The following RABGAP1L variants were observed in gnomAD, a reference collection of about 807,000 sequenced individuals.
RABGAP1L encodes the protein rab GTPase-activating protein 1-like.
A neutral mutation model predicts 137.7 loss-of-function variants in RABGAP1L; 63 were observed. The observed-to-expected ratio is 0.46, with a 90% CI of 0.37 to 0.56. RABGAP1L has a LOEUF of 0.56. Ranked by LOEUF, RABGAP1L falls within the 20% of genes least tolerant of loss-of-function variation. RABGAP1L has a pLI of 0.00. For missense variants in RABGAP1L, 1,095 were observed against 1,244.0 expected (o/e 0.88, Z 1.80); for synonymous variants, 431 against 433.7 (o/e 0.99, Z 0.08).
chr1:174,723,820 C>T (rs1357435518), intron 17 of RABGAP1L, among the ~76,000 whole-genome samples: 1 of 152,026 alleles, frequency 6.6e-6, no homozygotes, highest in African/African-American at 2.4e-5. Context: ...GCTCTTTGTA[C>T]CTCAGGGGTT....
chr1:174,826,507 C>T (rs1691581250), intron 19 of RABGAP1L, among the ~76,000 whole-genome samples: 1 of 152,190 alleles, frequency 6.6e-6, no homozygotes, highest in South Asian at 2.1e-4. Flanking sequence ...CAAGCGTGAG[C>T]CACCACGCCC....
intron 13 of RABGAP1L, among the ~76,000 whole-genome samples, chr1:174,561,895 A>G (rs1667243123): frequency 1.3e-5 from 2 of 152,238 alleles, no homozygotes; most frequent in South Asian, 4.1e-4. Context: ...CTAAAACCAT[A>G]AAAATCCTAG....
chr1:174,720,366 C>T (rs963824299), intron 17 of RABGAP1L, among the ~76,000 whole-genome samples: 9 of 151,284 alleles, frequency 5.9e-5, no homozygotes, highest in Non-Finnish European at 1.0e-4. Flanking sequence ...TGCAGTGGCA[C>T]GATCTCAGCT....
chr1:174,159,948 C>T (rs1291298685), intron 1 of RABGAP1L: 1 of 152,364 alleles, frequency 6.6e-6, no homozygotes, highest in Non-Finnish European at 1.5e-5. Flanking sequence ...TGGCGGCCGC[C>T]TCCTCCAGCT....
intron 17 of RABGAP1L, among the ~76,000 whole-genome samples, chr1:174,717,655 G>A (rs1396337376): frequency 6.6e-6 from 1 of 152,060 alleles, no homozygotes; most frequent in East Asian, 1.9e-4. Flanking sequence ...TAGATGCCAG[G>A]TATTACTTTG....
At chr1:174,334,710 C>T (rs944141855) in intron 11 of RABGAP1L, among the ~76,000 whole-genome samples, 1 of 152,100 alleles carries the variant, frequency 6.6e-6, no homozygotes, top group African/African-American at 2.4e-5. Flanking sequence ...CCCCTTTTTC[C>T]AGTCTTTCTG....
intron 19 of RABGAP1L, chr1:174,935,545 T>G (rs773386766): frequency 1.3e-5 from 2 of 152,200 alleles, no homozygotes; most frequent in Non-Finnish European, 2.9e-5. Flanking sequence ...ATTCTGAAAA[T>G]TATAACATAG....
intron 1 of RABGAP1L, among the ~76,000 whole-genome samples, chr1:174,177,386 A>G (rs1240534910): frequency 6.6e-6 from 1 of 152,088 alleles, no homozygotes; most frequent in African/African-American, 2.4e-5. Flanking sequence ...ATTAGACCAT[A>G]GTTAGATGGG....
chr1:174,831,727 TA>T lies in RABGAP1L; in HGVS notation c.2340+19776del, dbSNP rs201857412. On this transcript the variant is annotated intron_variant, in intron 19 of 25. Transcript: ENST00000681986. ...TTCATGGGTAGAACCTCTAGGTGACTAAAAAAAAACTAGCTTTATGTCTAGA... is the reference window on the plus strand; with the variant it reads ...TTCATGGGTAGAACCTCTAGGTGACTAAAAAAAACTAGCTTTATGTCTAGA... Among the ~76,000 whole-genome samples the T allele has an allele frequency of 4.7e-5, 7 of 147,680 alleles. 2 individuals carry two copies. The highest frequency in any genetic ancestry group is 1.5e-4 in the African/African-American group (6 of 40,408).
intron 12 of RABGAP1L, among the ~76,000 whole-genome samples, 159 bp downstream of exon 12, chr1:174,371,231 T>G (rs1161642705): frequency 2.0e-5 from 3 of 152,024 alleles, no homozygotes; most frequent in African/African-American, 7.2e-5. Context: ...TAAAATATAA[T>G]TTATAGATAC....
chr1:174,900,707 A>T (rs144498745), intron 19 of RABGAP1L, among the ~76,000 whole-genome samples: 3,964 of 152,122 alleles, frequency 0.026, 156 homozygotes, highest in African/African-American at 0.089. Context: ...TTTAGTAGAG[A>T]CAGGGTTTCA....
At chr1:174,499,374 T>G (rs904913130) in intron 13 of RABGAP1L, among the ~76,000 whole-genome samples, 1 of 151,800 alleles carries the variant, frequency 6.6e-6, no homozygotes, top group African/African-American at 2.4e-5. Flanking sequence ...ACTTAGAACA[T>G]TTAGGAAAAC....
At chr1:174,288,919 G>T (rs1186313376) in intron 10 of RABGAP1L, among the ~76,000 whole-genome samples, 1 of 152,034 alleles carries the variant, frequency 6.6e-6, no homozygotes. Flanking sequence ...TTCTCTAACT[G>T]GATAATTTTA....
intron 19 of RABGAP1L, among the ~76,000 whole-genome samples, chr1:174,902,329 C>T (rs184414089): frequency 6.6e-6 from 1 of 152,200 alleles, no homozygotes; most frequent in South Asian, 2.1e-4. Context: ...GCCTCTCCCC[C>T]CCAGGAACTC....
chr1:174,664,821 T>C (rs1219146826), intron 14 of RABGAP1L, among the ~76,000 whole-genome samples: 3 of 141,094 alleles, frequency 2.1e-5, no homozygotes, highest in Non-Finnish European at 3.0e-5. Flanking sequence ...CACCGCAACC[T>C]CTGCCTCCCG....
At chr1:174,989,429 G>T (rs533623389) in intron 25 of RABGAP1L, among the ~76,000 whole-genome samples, 1 of 152,258 alleles carries the variant, frequency 6.6e-6, no homozygotes, top group East Asian at 1.9e-4. Context: ...CTTCCACCAT[G>T]TGTCTGCTCT....
intron 5 of RABGAP1L, chr1:174,244,670 A>T (rs1672108728): frequency 6.6e-6 from 1 of 152,236 alleles, no homozygotes; most frequent in African/African-American, 2.4e-5. Flanking sequence ...GCTTCTGCTG[A>T]AGAATTGCAG....
At chr1:174,959,644 G>A (rs914857687) in intron 20 of RABGAP1L, among the ~76,000 whole-genome samples, 1 of 152,006 alleles carries the variant, frequency 6.6e-6, no homozygotes, top group Non-Finnish European at 1.5e-5. Flanking sequence ...TACACATATC[G>A]GATACCCTCT....
intron 18 of RABGAP1L, among the ~76,000 whole-genome samples, chr1:174,780,267 G>A (rs1485345088): frequency 2.0e-5 from 3 of 151,682 alleles, no homozygotes; most frequent in African/African-American, 2.4e-5. Context: ...TTTATTCCTC[G>A]AAATCCTCCC....
Sources: allele counts gnomAD v4.1 joint callset (sites outside exome capture counted in the v4.1 genomes callset), GRCh38; gene constraint gnomAD v4.1.1; transcripts MANE v1.5; gene names NCBI Gene and HGNC (gene_info 2026-07-23, HGNC 2026-07-21).